CSNK2A1: variants seen among roughly 807,000 people sequenced by gnomAD.
The protein encoded by CSNK2A1 is casein kinase 2 alpha 1.
Under a neutral mutation model 62.9 loss-of-function variants are expected in CSNK2A1, and 10 were observed. The observed-to-expected ratio is 0.16, with a 90% confidence interval of 0.10 to 0.27. CSNK2A1 has a LOEUF of 0.27. CSNK2A1 is among the 10% of genes least tolerant of loss of function. The pLI, the probability that CSNK2A1 is intolerant of heterozygous loss-of-function variation, is 1.00. For missense variants in CSNK2A1, 160 were observed against 492.0 expected (o/e 0.33, Z 6.38); for synonymous variants, 124 against 167.8 (o/e 0.74, Z 2.02).
Position 538,455 on chromosome 20 carries a change from T to C in CSNK2A1, c.-227+5217A>G, listed in dbSNP as rs190847798. ...GAAATGCTAATCTTGTAATCATCTT[T>C]CTATTCAGGTAATAACTCAAAAGAA... is the stretch of plus-strand genomic sequence containing the variant. On this transcript the variant is annotated intron_variant, in intron 1 of 13. Coordinates refer to ENST00000217244, the MANE Select transcript of CSNK2A1 (RefSeq NM_177559.3). 5.8e-4 allele frequency among the ~76,000 whole-genome samples: 89 copies of C among 152,366 alleles called. No homozygotes were observed. The East Asian group carries it at 0.01, about 17-fold the overall frequency.
chr20:490,320 C>T (rs1282108112), intron 9 of CSNK2A1, among the ~76,000 whole-genome samples: 1 of 113,284 alleles, frequency 8.8e-6, no homozygotes, highest in South Asian at 3.3e-4. Flanking sequence ...ACCCACCGTG[C>T]CTGGCTAGTT....
At chr20:513,520 C>T (rs1030248723) in intron 2 of CSNK2A1, among the ~76,000 whole-genome samples, 3 of 152,114 alleles carry the variant, frequency 2.0e-5, no homozygotes, top group Non-Finnish European at 2.9e-5. Flanking sequence ...TTATAGTAGC[C>T]GTGGTTAATT....
At chr20:527,616 C>T (rs1337731334) in intron 2 of CSNK2A1, among the ~76,000 whole-genome samples, 1 of 152,198 alleles carries the variant, frequency 6.6e-6, no homozygotes, top group East Asian at 1.9e-4. Context: ...AAAGCAACCC[C>T]ATATACTCTC....
intron 12 of CSNK2A1, 132 bp from the exon 13 acceptor site, chr20:486,594 G>T: frequency 1.2e-6 from 1 of 862,866 alleles, no homozygotes; most frequent in Non-Finnish European, 1.7e-6. Flanking sequence ...AAGAACTTAA[G>T]GTGGCAATTG....
At chr20:527,535 C>G (rs1349180733) in intron 2 of CSNK2A1, among the ~76,000 whole-genome samples, 1 of 152,180 alleles carries the variant, frequency 6.6e-6, no homozygotes, top group Non-Finnish European at 1.5e-5. Flanking sequence ...AACTTTACAT[C>G]CACTATGAAG....
chr20:486,357 A>G lies in CSNK2A1; in HGVS notation c.1060+19T>C, dbSNP rs560108851. The G allele has an allele frequency of 2.4e-5, 38 of 1,612,604 alleles. No individual in the cohort carries two copies. The highest frequency in any genetic ancestry group is 3.1e-5 in the Non-Finnish European group (36 of 1,179,424). ...TTGACTTCCACATTTTTTTAAAGAA[A>G]ATTTACCAATGAACTGACCTGACAT... On this transcript the variant is annotated intron_variant, in intron 13 of 13. Transcript: ENST00000217244.
At position 479,372 on chromosome 20, in the gene CSNK2A1, T is replaced by A. The variant is rs755473412; in HGVS notation, c.*4589A>T. 6.6e-6 allele frequency: 1 copy of A among 152,150 alleles called. No individual in the cohort carries two copies. The highest frequency in any genetic ancestry group is 1.5e-5 in the Non-Finnish European group (1 of 68,030). The allele number at this position is 152,150 out of a possible 1,614,324, so 9.4% of individuals were successfully genotyped here. A position where few individuals can be genotyped will look rare whatever the true frequency, so the allele number is the denominator to read the frequency against. On this transcript the variant is annotated 3_prime_UTR_variant, in exon 14 of 14. Coordinates refer to ENST00000217244, the MANE Select transcript of CSNK2A1 (RefSeq NM_177559.3). ...TTAACAGATAGGAAATATTGGGACC[T>A]CTGGGGAAGGGAGGAAGAAGAGGGT...
At chr20:497,137 T>A (rs1224462137) in intron 7 of CSNK2A1, among the ~76,000 whole-genome samples, 2 of 152,104 alleles carry the variant, frequency 1.3e-5, no homozygotes, top group African/African-American at 4.8e-5. Flanking sequence ...AGGGTTCTGA[T>A]ACTATTATTA....
intron 2 of CSNK2A1, among the ~76,000 whole-genome samples, chr20:518,623 T>G (rs1284303717): frequency 6.6e-6 from 1 of 152,006 alleles, no homozygotes; most frequent in Admixed American, 6.6e-5. Flanking sequence ...CTCAGCTCAC[T>G]GCAAGCTCTG....
At chr20:524,341 T>A (rs2019021087) in intron 2 of CSNK2A1, among the ~76,000 whole-genome samples, 1 of 150,306 alleles carries the variant, frequency 6.7e-6, no homozygotes, top group Admixed American at 6.7e-5. Flanking sequence ...GGGGAATCGC[T>A]TGAAACTCTC....
intron 1 of CSNK2A1, among the ~76,000 whole-genome samples, chr20:541,467 T>C (rs1184648321): frequency 6.6e-6 from 1 of 152,172 alleles, no homozygotes; most frequent in African/African-American, 2.4e-5. Context: ...ATGTATATAT[T>C]TTACTTATGT....
chr20:516,970 T>C (rs1381742286), intron 2 of CSNK2A1, among the ~76,000 whole-genome samples: 1 of 152,214 alleles, frequency 6.6e-6, no homozygotes, highest in Non-Finnish European at 1.5e-5. Flanking sequence ...TGTGCTTAGA[T>C]TGCACTGACT....
At chr20:515,004 T>C (rs1040143985) in intron 2 of CSNK2A1, among the ~76,000 whole-genome samples, 13 of 152,192 alleles carry the variant, frequency 8.5e-5, no homozygotes, top group African/African-American at 3.1e-4. Flanking sequence ...AGATTTTACC[T>C]ATGGACTAAG....
intron 2 of CSNK2A1, among the ~76,000 whole-genome samples, chr20:516,117 C>T (rs1172662556): frequency 6.6e-6 from 1 of 152,228 alleles, no homozygotes; most frequent in Non-Finnish European, 1.5e-5. Context: ...CAATTCTCCT[C>T]TCCACTGTTC....
At chr20:505,344 C>T (rs1345920823) in intron 3 of CSNK2A1, 115 bp from the exon 4 acceptor site, 2 of 515,436 alleles carry the variant, frequency 3.9e-6, no homozygotes, top group East Asian at 3.8e-5. Flanking sequence ...AAACAATTCC[C>T]AAATAGGTTT....
At chr20:537,227 AT>A (rs1286279398) in intron 1 of CSNK2A1, among the ~76,000 whole-genome samples, 1 of 152,224 alleles carries the variant, frequency 6.6e-6, no homozygotes, top group Non-Finnish European at 1.5e-5. Context: ...ATTATAAAAC[AT>A]TAATCTAACT....
chr20:503,904 G>A (rs528746959), intron 4 of CSNK2A1, among the ~76,000 whole-genome samples: 9 of 152,334 alleles, frequency 5.9e-5, no homozygotes, highest in South Asian at 2.1e-4. Context: ...GCGGGCAGGC[G>A]CAGTGGCTCA....
chr20:525,149 T>C (rs756804127), intron 2 of CSNK2A1, among the ~76,000 whole-genome samples: 16 of 152,146 alleles, frequency 1.1e-4, no homozygotes, highest in Non-Finnish European at 1.9e-4. Flanking sequence ...AAACATAGGC[T>C]ATAGAGAGTT....
intron 2 of CSNK2A1, among the ~76,000 whole-genome samples, chr20:523,858 C>CAAAAGAAAA (rs2019003324): frequency 2.2e-5 from 1 of 45,546 alleles, no homozygotes; most frequent in Non-Finnish European, 4.2e-5. Flanking sequence ...GACTCCATCT[C>CAAAAGAAAA]AAAAAAAAAA....
Sources: allele counts gnomAD v4.1 joint callset (sites outside exome capture counted in the v4.1 genomes callset), GRCh38; gene constraint gnomAD v4.1.1; transcripts MANE v1.5; gene names NCBI Gene and HGNC (gene_info 2026-07-23, HGNC 2026-07-21).